FBN3: variants seen among roughly 807,000 people sequenced by gnomAD.
FBN3 encodes fibrillin-3.
A neutral mutation model predicts 330.1 loss-of-function variants in FBN3; 234 were observed. That is an observed-to-expected ratio of 0.71 (90% CI 0.64 to 0.79). The LOEUF (loss-of-function observed/expected upper bound fraction) is 0.79, where lower values mean the gene tolerates loss of function less well. FBN3 is among the 30% of genes least tolerant of loss of function. The pLI, the probability that FBN3 is intolerant of heterozygous loss-of-function variation, is 0.00. For synonymous variants in FBN3, 1,458 were observed against 1,517.3 expected (o/e 0.96, Z 0.91); for missense variants, 3,606 against 3,886.9 (o/e 0.93, Z 1.92).
intron 13 of FBN3, among the ~76,000 whole-genome samples, chr19:8,134,771 T>G (rs1203604886): frequency 6.6e-6 from 1 of 150,930 alleles, no homozygotes; most frequent in Admixed American, 6.6e-5. Context: ...CCATCTCTAC[T>G]AAAAATACAA....
rs572593382 is a variant in FBN3, at chr19:8,118,568, G to T, written c.3337+329C>A. Among the ~76,000 whole-genome samples the T allele has an allele frequency of 1.2e-3, 180 of 149,114 alleles. 1 individual carries two copies. Among genetic ancestry groups the T allele is most frequent in the African/African-American group, 4.4e-3 (173 of 39,074 alleles). ...AACCCTCTTGTGTGTTCACACAGAC[G>T]CACACACACACTCACTCCTCACATA... On this transcript the variant is annotated intron_variant, in intron 26 of 63. Transcript: ENST00000600128.
intron 8 of FBN3, among the ~76,000 whole-genome samples, chr19:8,139,448 T>C (rs115683572): frequency 0.014 from 2,127 of 152,248 alleles, 55 homozygotes; most frequent in African/African-American, 0.048. Context: ...ACAGAGGTAG[T>C]GAGCTCCCCG....
intron 20 of FBN3, 30 bp from the exon 21 acceptor site, chr19:8,126,377 G>A: frequency 6.3e-7 from 1 of 1,584,908 alleles, no homozygotes; most frequent in Non-Finnish European, 8.6e-7. Flanking sequence ...AGTGAAGAGA[G>A]GAGTCATTTT....
rs75174438 is a variant in FBN3 at position 8,066,169 on chromosome 19, C to T, written c.8180G>A (p.Arg2727Gln). Reference sequence around the variant, plus strand: ...GCCCTCTAGACCCTCCAGGGCCGGCCGGAGCTCCAGGATGCGCTCGGCCCG... The same window carrying T: ...GCCCTCTAGACCCTCCAGGGCCGGCTGGAGCTCCAGGATGCGCTCGGCCCG... ...LGRAERILEL[R>Q]PALEGLEGRI... Residue 2727 changes from arginine (R) to glutamine (Q), a missense_variant, in exon 64 of 64, where the codon CGG (arginine) becomes CAG (glutamine). By Grantham distance (43) the Arg-to-Gln change is conservative (BLOSUM62 1). Coordinates refer to ENST00000600128, the MANE Select transcript of FBN3 (RefSeq NM_032447.5). 1.1e-4 allele frequency: 170 copies of T among 1,612,844 alleles called. No individual in the cohort carries two copies. The highest frequency in any genetic ancestry group is 6.0e-4 in the African/African-American group (45 of 75,038).
At chr19:8,147,621 G>A in intron 1 of FBN3, 124 bp from the exon 2 acceptor site, 1 of 760,844 alleles carries the variant, frequency 1.3e-6, no homozygotes, top group Non-Finnish European at 1.9e-6. Flanking sequence ...GGGAGCCCAA[G>A]GAGGCATCCA....
At chr19:8,097,112 G>A (rs1165931485) in intron 42 of FBN3, 106 bp from the exon 43 acceptor site, 1 of 1,517,614 alleles carries the variant, frequency 6.6e-7, no homozygotes, top group African/African-American at 1.4e-5. Context: ...TTCTCTGGAA[G>A]CAGCCAGAGC....
Position 8,097,328 on chromosome 19 carries a change from C to T in FBN3, c.5248G>A (p.Ala1750Thr), listed in dbSNP as rs140079479. ...QIGSFRCECP[A>T]GFNYNSILLA... is the part of the protein sequence containing the mutation. The stretch of plus-strand genomic sequence containing the variant: ...AGGATGCTGTTGTAGTTGAAGCCTG[C>T]GGGGCACTCGCAGCGGAAACTCCCG... The change falls in exon 42 of 64, where the codon GCA becomes ACA. Residue 1750 changes from alanine to threonine, a missense_variant. Coordinates refer to ENST00000600128, the MANE Select transcript of FBN3 (RefSeq NM_032447.5). 5.3e-5 allele frequency: 85 copies of T among 1,609,622 alleles called. No homozygotes were observed. Among genetic ancestry groups the T allele is most frequent in the East Asian group, 4.0e-4 (18 of 44,710 alleles).
rs776712443 is a variant in FBN3 at position 8,116,772 on chromosome 19, C to T, written c.3614G>A (p.Arg1205His). Reference protein sequence around the residue: ...ADVDECEENPRVCDQGHCTNM... With the variant: ...ADVDECEENPHVCDQGHCTNM... ...GGTGCAGTGGCCTTGGTCACAAACGCGGGGGTTCTCTTCACACTCGTCCAC... is the reference window on the plus strand; with the variant it reads ...GGTGCAGTGGCCTTGGTCACAAACGTGGGGGTTCTCTTCACACTCGTCCAC... Residue 1205 changes from arginine (R) to histidine (H), a missense_variant, in exon 29 of 64, where the codon CGC (arginine) becomes CAC (histidine). Physicochemically the swap from Arg to His is conservative, Grantham distance 29 (BLOSUM62 0). Coordinates refer to ENST00000600128, the MANE Select transcript of FBN3 (RefSeq NM_032447.5). The T allele has an allele frequency of 2.0e-5, 33 of 1,613,874 alleles. No individual in the cohort carries two copies. The South Asian group carries it at 2.9e-4, about 14-fold the overall frequency.
intron 63 of FBN3, among the ~76,000 whole-genome samples, chr19:8,067,702 G>A (rs553729327): frequency 1.3e-5 from 2 of 152,302 alleles, no homozygotes; most frequent in East Asian, 3.9e-4. Flanking sequence ...TTAGCAATGA[G>A]CAGATAAAAA....
chr19:8,135,537 G>C (rs890464714), intron 13 of FBN3, among the ~76,000 whole-genome samples: 1 of 113,972 alleles, frequency 8.8e-6, no homozygotes, highest in African/African-American at 4.0e-5. Flanking sequence ...TGGGATTACA[G>C]GCGTGATCCA....
chr19:8,101,579 C>T (rs1410147766), intron 40 of FBN3, among the ~76,000 whole-genome samples: 4 of 152,218 alleles, frequency 2.6e-5, no homozygotes, highest in Non-Finnish European at 4.4e-5. Context: ...TTCTCCAGGT[C>T]TGCCCCTTCC....
chr19:8,111,059 C>G lies in FBN3; in HGVS notation c.4209G>C (p.Gln1403His), dbSNP rs1469144377. Residue 1403 changes from glutamine (Q) to histidine (H), a missense_variant and splice_region_variant, in exon 33 of 64, where the codon CAG (glutamine) becomes CAC (histidine). Transcript: ENST00000600128. ...CTGCCCTGGCGGGCCCAACCTTACC[C>G]TGGCAGGCCCGGTGGTCCTCGGTGG... ...FDPTEDHRACQDVDECAQGNL... is the reference protein window; with the variant it reads ...FDPTEDHRACHDVDECAQGNL... 2 of 1,612,978 alleles carry G rather than the reference C, an allele frequency of 1.2e-6. No homozygotes were observed. Among genetic ancestry groups the G allele is most frequent in the African/African-American group, 2.7e-5 (2 of 74,934 alleles).
At chr19:8,128,279 A>G (rs2083041833) in intron 18 of FBN3, among the ~76,000 whole-genome samples, 1 of 152,150 alleles carries the variant, frequency 6.6e-6, no homozygotes, top group Non-Finnish European at 1.5e-5. Flanking sequence ...GAATGAGTGT[A>G]TGGGCCAGGT....
At chr19:8,135,932 C>A in intron 13 of FBN3, 29 bp downstream of exon 13, 2 of 1,232,360 alleles carry the variant, frequency 1.6e-6, no homozygotes, top group East Asian at 2.7e-5. Context: ...GCCCGGAAGC[C>A]CCTGCCCACC....
Position 8,090,086 on chromosome 19 carries a change from G to A in FBN3, c.6184+13C>T. On this transcript the variant is annotated intron_variant, in intron 49 of 63. Coordinates refer to ENST00000600128, the MANE Select transcript of FBN3 (RefSeq NM_032447.5). The stretch of plus-strand genomic sequence containing the variant: ...ACATCATCCAGGGAGCCTGGACAGG[G>A]GTGGGCACTCACCGCTGCCCTCCTG... 1 of 1,612,954 alleles carries A rather than the reference G, an allele frequency of 6.2e-7. No individual in the cohort carries two copies.
Position 8,109,798 on chromosome 19 carries a change from G to A in FBN3, c.4334-45C>T. The A allele has an allele frequency of 6.9e-7, 1 of 1,442,080 alleles. No homozygotes were observed. The highest frequency in any genetic ancestry group is 9.1e-7 in the Non-Finnish European group (1 of 1,096,238). The allele number at this position is 1,442,080 out of a possible 1,614,324, so 89.3% of individuals were successfully genotyped here. ...TCCTCAGCAGGGAGCCCCTTCCTCGGCCCCCCTCCCTCCTAGCTTCATCCT... is the reference window on the plus strand; with the variant it reads ...TCCTCAGCAGGGAGCCCCTTCCTCGACCCCCCTCCCTCCTAGCTTCATCCT... On this transcript the variant is annotated intron_variant, in intron 34 of 63. Coordinates refer to ENST00000600128, the MANE Select transcript of FBN3 (RefSeq NM_032447.5). The surrounding 1 kb of genome is among the most constrained non-coding windows in gnomAD (Gnocchi z 5.2).
intron 5 of FBN3, 42 bp downstream of exon 5, chr19:8,145,796 TCACAG>T: frequency 7.1e-7 from 1 of 1,406,654 alleles, no homozygotes; most frequent in Non-Finnish European, 9.8e-7. Flanking sequence ...TACTCTGGGA[TCACAG>T]TCCCAGGTGT....
At chr19:8,068,573 G>T (rs1187897149) in intron 63 of FBN3, among the ~76,000 whole-genome samples, 1 of 151,710 alleles carries the variant, frequency 6.6e-6, no homozygotes, top group African/African-American at 2.4e-5. Context: ...GGTGGTACAT[G>T]TACCTGTGGT....
intron 10 of FBN3, among the ~76,000 whole-genome samples, chr19:8,136,751 G>T (rs1396833540): frequency 6.6e-6 from 1 of 151,244 alleles, no homozygotes; most frequent in Non-Finnish European, 1.5e-5. Context: ...CTCCAACCTG[G>T]GCCTGGATCC....
Sources: allele counts gnomAD v4.1 joint callset (sites outside exome capture counted in the v4.1 genomes callset), GRCh38; gene constraint gnomAD v4.1.1; non-coding constraint Gnocchi (gnomAD v3.1); transcripts MANE v1.5; gene names NCBI Gene and HGNC (gene_info 2026-07-23, HGNC 2026-07-21).